ORC3: variants seen among roughly 807,000 people sequenced by gnomAD.
The protein encoded by ORC3 is homolog of latheo, Drosophila.
In ORC3, 78 loss-of-function variants were observed where a neutral mutation model predicts 100.7. The observed-to-expected ratio is 0.77, with a 90% CI of 0.65 to 0.94. ORC3 has a LOEUF of 0.94. Ranked by LOEUF, ORC3 falls within the 40% of genes least tolerant of loss-of-function variation. The pLI is 0.00. For synonymous variants in ORC3, 295 were observed against 289.3 expected (o/e 1.02, Z -0.20); for missense variants, 789 against 823.9 (o/e 0.96, Z 0.52).
At chr6:87,607,638 C>A in intron 5 of ORC3, 35 bp from the exon 6 acceptor site, 2 of 1,517,674 alleles carry the variant, frequency 1.3e-6, no homozygotes, top group East Asian at 2.3e-5. Flanking sequence ...TTAGAAGAGG[C>A]AGAGATAAGC....
intron 9 of ORC3, among the ~76,000 whole-genome samples, chr6:87,619,969 A>G (rs1233913839): frequency 2.0e-5 from 3 of 152,226 alleles, no homozygotes; most frequent in African/African-American, 4.8e-5. Flanking sequence ...AACTAGGACT[A>G]TGTAATTCCT....
intron 11 of ORC3, among the ~76,000 whole-genome samples, chr6:87,623,597 A>T (rs1242548671): frequency 2.6e-5 from 4 of 152,204 alleles, no homozygotes; most frequent in Non-Finnish European, 5.9e-5. Flanking sequence ...AAATTGCCTG[A>T]CATTGGTCAG....
At chr6:87,636,350 C>A in intron 12 of ORC3, 57 bp from the exon 13 acceptor site, 1 of 995,076 alleles carries the variant, frequency 1.0e-6, no homozygotes, top group Non-Finnish European at 1.5e-6. Context: ...TGATTTTTGC[C>A]AAACTAGTAG....
intron 7 of ORC3, among the ~76,000 whole-genome samples, chr6:87,611,598 C>T (rs145097177): frequency 3.3e-5 from 5 of 152,094 alleles, no homozygotes; most frequent in African/African-American, 1.2e-4. Context: ...ACCAGCCTGA[C>T]CAATATGGTG....
rs1335708388 is a variant in ORC3, at chr6:87,610,678, C to T, written c.714-1411C>T. On this transcript the variant is annotated intron_variant, in intron 7 of 19. Transcript: ENST00000392844. ...ACGCCATTCTCCTGCCTCAGCCTCCCGAGTAGCTGGGACTACAGGCGCCCG... is the reference window on the plus strand; with the variant it reads ...ACGCCATTCTCCTGCCTCAGCCTCCTGAGTAGCTGGGACTACAGGCGCCCG... Among the ~76,000 whole-genome samples the T allele has an allele frequency of 4.7e-5, 7 of 147,628 alleles. No individual in the cohort carries two copies. In the East Asian group the frequency reaches 1.4e-3, roughly 29 times the overall value.
the ORC3 span, among the ~76,000 whole-genome samples, chr6:87,672,789 G>T: frequency 6.6e-6 from 1 of 152,116 alleles, no homozygotes; most frequent in South Asian, 2.1e-4. Context: ...AGCTTTAGTA[G>T]TTTAAACCTC....
At chr6:87,674,942 A>C in the ORC3 span, 1 of 151,502 alleles carries the variant, frequency 6.6e-6, no homozygotes, top group African/African-American at 2.4e-5. Flanking sequence ...TAAATGTTTT[A>C]TTCTTCCAAC....
Position 87,665,750 on chromosome 6 carries a change from A to G in ORC3, c.1951-4A>G. 1 of 1,600,956 alleles carries G rather than the reference A, an allele frequency of 6.2e-7. No individual in the cohort carries two copies. The highest frequency in any genetic ancestry group is 1.7e-4 in the Middle Eastern group (1 of 5,978). On this transcript the variant is annotated splice_region_variant and splice_polypyrimidine_tract_variant and intron_variant, in intron 18 of 19. Transcript: ENST00000392844. ...TATTTTCTTCTGTCTTGTCTATTCA[A>G]AAGGCTTTTGCAACAGTTGTGACAG...
At chr6:87,610,581 C>G (rs1778679721) in intron 7 of ORC3, among the ~76,000 whole-genome samples, 2 of 132,796 alleles carry the variant, frequency 1.5e-5, no homozygotes, top group Admixed American at 1.5e-4. Context: ...GAGTCTCGCT[C>G]TGTCGCCCAG....
At chr6:87,647,577 A>G (rs1204497387) in intron 13 of ORC3, among the ~76,000 whole-genome samples, 3 of 152,164 alleles carry the variant, frequency 2.0e-5, no homozygotes, top group Non-Finnish European at 4.4e-5. Context: ...CGTATATATG[A>G]TATAGATAGA....
chr6:87,640,755 T>A (rs1028853877), intron 13 of ORC3, among the ~76,000 whole-genome samples: 1 of 152,226 alleles, frequency 6.6e-6, no homozygotes, highest in Non-Finnish European at 1.5e-5. Context: ...TAATTTTTCA[T>A]ATTTTTAAAA....
At chr6:87,677,703 C>G in the ORC3 span, 1 of 1,279,868 alleles carries the variant, frequency 7.8e-7, no homozygotes, top group Non-Finnish European at 1.1e-6. Flanking sequence ...CTGAAATTTT[C>G]TCATTCTCAG....
At position 87,651,157 on chromosome 6, in the gene ORC3, G is replaced by T. The variant is rs558631241; in HGVS notation, c.1383-1959G>T. 22 of 451,532 alleles carry T rather than the reference G, an allele frequency of 4.9e-5. No individual in the cohort carries two copies. In the East Asian group the frequency reaches 1.3e-3, roughly 26 times the overall value. The allele number at this position is 451,532 out of a possible 1,614,324, so 28.0% of individuals were successfully genotyped here. On this transcript the variant is annotated intron_variant, in intron 13 of 19. Transcript: ENST00000392844. ...ATATGAAATAATGCCCTCTTTTTTG[G>T]TCTCCTGGATAATAGGCTAGGTTTG...
chr6:87,654,150 T>C (rs1300159662), intron 14 of ORC3, among the ~76,000 whole-genome samples: 1 of 152,172 alleles, frequency 6.6e-6, no homozygotes, highest in Non-Finnish European at 1.5e-5. Flanking sequence ...AAAATGTCTG[T>C]TTTAATCCTT....
intron 16 of ORC3, among the ~76,000 whole-genome samples, chr6:87,660,359 C>T (rs1195061452): frequency 1.3e-5 from 2 of 152,142 alleles, no homozygotes. Context: ...AAGAGTCAGC[C>T]CTGTGGCAGC....
the ORC3 span, among the ~76,000 whole-genome samples, chr6:87,676,673 A>C: frequency 6.7e-6 from 1 of 150,336 alleles, no homozygotes; most frequent in East Asian, 2.0e-4. Flanking sequence ...CCAGCTACTC[A>C]GGAGGTTAAG....
intron 13 of ORC3, among the ~76,000 whole-genome samples, chr6:87,637,670 TC>T (rs996063052): frequency 2.0e-5 from 3 of 152,356 alleles, no homozygotes; most frequent in African/African-American, 7.2e-5. Flanking sequence ...AGTGAGGTGT[TC>T]CCAGATTCAT....
rs145992363 is a variant in ORC3 at position 87,624,539 on chromosome 6, A to G, written c.1185+2526A>G. Reference sequence around the variant, plus strand: ...GATTTTTTAGTTTAAAGTATCTTTGAATATTCTCATAATAATGCTTCTCTT... The same window carrying G: ...GATTTTTTAGTTTAAAGTATCTTTGGATATTCTCATAATAATGCTTCTCTT... On this transcript the variant is annotated intron_variant, in intron 11 of 19. Coordinates refer to ENST00000392844, the MANE Select transcript of ORC3 (RefSeq NM_012381.4). Among the ~76,000 whole-genome samples, 5 of 152,282 alleles carry G rather than the reference A, an allele frequency of 3.3e-5. No individual in the cohort carries two copies. The East Asian group carries it at 9.6e-4, about 29-fold the overall frequency.
chr6:87,597,214 C>T (rs1214059025), intron 2 of ORC3, among the ~76,000 whole-genome samples: 6 of 152,020 alleles, frequency 3.9e-5, no homozygotes, highest in Non-Finnish European at 7.4e-5. Context: ...TAGCCTGAAA[C>T]GAATTTTACA....
Sources: gnomAD v4.1 joint callset for allele counts (sites outside exome capture counted in the v4.1 genomes callset) on GRCh38, gnomAD v4.1.1 for gene constraint, MANE v1.5 for transcripts, NCBI Gene and HGNC (gene_info 2026-07-23, HGNC 2026-07-21) for gene names.